The following MACROD2 variants were observed in gnomAD, a reference collection of about 807,000 sequenced individuals.
MACROD2 encodes mono-ADP ribosylhydrolase 2, also known as ADP-ribose glycohydrolase MACROD2.
Under a neutral mutation model 70.4 loss-of-function variants are expected in MACROD2, and 36 were observed. That is an observed-to-expected ratio of 0.51 (90% CI 0.39 to 0.68). The LOEUF is 0.68. MACROD2 is among the 30% of genes least tolerant of loss of function. MACROD2 has a pLI of 0.00. For synonymous variants in MACROD2, 172 were observed against 178.8 expected (o/e 0.96, Z 0.30); for missense variants, 496 against 538.4 (o/e 0.92, Z 0.78).
At chr20:14,638,722 G>A (rs920502679) in intron 4 of MACROD2, among the ~76,000 whole-genome samples, 1 of 152,120 alleles carries the variant, frequency 6.6e-6, no homozygotes, top group African/African-American at 2.4e-5. Context: ...AGGCCATGGC[G>A]GGAGGATCAC....
At chr20:15,421,020 A>C (rs1268769392) in intron 6 of MACROD2, among the ~76,000 whole-genome samples, 1 of 152,122 alleles carries the variant, frequency 6.6e-6, no homozygotes, top group Non-Finnish European at 1.5e-5. Flanking sequence ...TTTCAGTTTG[A>C]GGCCAAAGTG....
At chr20:14,044,620 C>A (rs1252636105) in intron 2 of MACROD2, among the ~76,000 whole-genome samples, 5 of 152,196 alleles carry the variant, frequency 3.3e-5, no homozygotes, top group Admixed American at 6.5e-5. Flanking sequence ...CACGTCCCCA[C>A]TAGATTAGCT....
chr20:15,005,075 C>T (rs1352420566), intron 5 of MACROD2, among the ~76,000 whole-genome samples: 1 of 152,114 alleles, frequency 6.6e-6, no homozygotes, highest in East Asian at 1.9e-4. Flanking sequence ...AATGAAGTAT[C>T]GGTTGAACTA....
intron 14 of MACROD2, 128 bp downstream of exon 14, chr20:15,986,929 T>C (rs1398760145): frequency 9.8e-7 from 1 of 1,020,646 alleles, no homozygotes; most frequent in Non-Finnish European, 1.5e-6. Flanking sequence ...AGGATAGCAA[T>C]AGTGTTCAAC....
chr20:15,791,701 G>A (rs2063626266), intron 8 of MACROD2, among the ~76,000 whole-genome samples: 1 of 151,968 alleles, frequency 6.6e-6, no homozygotes, highest in Non-Finnish European at 1.5e-5. Flanking sequence ...AAAGTAAAAT[G>A]CCTGGTATTA....
chr20:15,326,934 T>C (rs2077936439), intron 6 of MACROD2, among the ~76,000 whole-genome samples: 1 of 152,192 alleles, frequency 6.6e-6, no homozygotes, highest in East Asian at 1.9e-4. Context: ...TGACTTTGGC[T>C]ATTGTAGGGG....
At chr20:14,350,127 T>C (rs2083108667) in intron 3 of MACROD2, among the ~76,000 whole-genome samples, 1 of 152,200 alleles carries the variant, frequency 6.6e-6, no homozygotes, top group Non-Finnish European at 1.5e-5. Flanking sequence ...TCCATTTATC[T>C]GCTGATGAAC....
chr20:14,426,889 T>C (rs1310013886), intron 3 of MACROD2, among the ~76,000 whole-genome samples: 1 of 152,156 alleles, frequency 6.6e-6, no homozygotes, highest in East Asian at 1.9e-4. Context: ...TTAGCCCTTA[T>C]TTGAAAATGA....
chr20:14,424,569 A>G (rs962097025), intron 3 of MACROD2, among the ~76,000 whole-genome samples: 1 of 152,234 alleles, frequency 6.6e-6, no homozygotes, highest in African/African-American at 2.4e-5. Context: ...TTTGTTTACA[A>G]TTTAGGTTGA....
At chr20:15,659,911 A>C (rs1460843744) in intron 8 of MACROD2, among the ~76,000 whole-genome samples, 2 of 152,150 alleles carry the variant, frequency 1.3e-5, no homozygotes, top group Non-Finnish European at 2.9e-5. Flanking sequence ...TTACTGCAAC[A>C]GTTCCTGTCT....
rs111786150 is a variant in MACROD2, at chr20:14,327,391, G to T, written c.272-166088G>T. 16 of 1,613,646 alleles carry T rather than the reference G, an allele frequency of 9.9e-6. 1 individual carries two copies. The highest frequency in any genetic ancestry group is 9.3e-5 in the African/African-American group (7 of 74,992). On this transcript the variant is annotated intron_variant, in intron 3 of 17. Transcript: ENST00000684519. ...GCGATCATTACAGTAAATGAAACCC[G>T]CATCGCAGCGACACACAGATGGACA...
At chr20:14,545,439 G>A (rs917889662) in intron 4 of MACROD2, among the ~76,000 whole-genome samples, 7 of 152,122 alleles carry the variant, frequency 4.6e-5, no homozygotes, top group Non-Finnish European at 7.3e-5. Flanking sequence ...TAACCCAAAG[G>A]TCATGAGCAG....
chr20:15,620,568 G>A (rs1466817526), intron 8 of MACROD2, among the ~76,000 whole-genome samples: 3 of 152,180 alleles, frequency 2.0e-5, no homozygotes, highest in Non-Finnish European at 4.4e-5. Context: ...AATGTGCAAT[G>A]ACTGCTGCTT....
At chr20:15,067,765 A>G (rs557775793) in intron 5 of MACROD2, among the ~76,000 whole-genome samples, 1 of 152,292 alleles carries the variant, frequency 6.6e-6, no homozygotes, top group South Asian at 2.1e-4. Flanking sequence ...TTGGTGATAA[A>G]GATTGGATGG....
chr20:15,404,126 T>G lies in MACROD2; in HGVS notation c.541-27279T>G, dbSNP rs188072546. The stretch of plus-strand genomic sequence containing the variant: ...TTTATAGTGCTTGAGAGTACATAGA[T>G]GGGCTGTAGACAACTAATATGTCTG... On this transcript the variant is annotated intron_variant, in intron 6 of 17. Transcript: ENST00000684519. Among the ~76,000 whole-genome samples, 437 of 152,320 alleles carry G rather than the reference T, an allele frequency of 2.9e-3. 1 individual carries two copies. Among genetic ancestry groups the G allele is most frequent in the African/African-American group, 0.01 (416 of 41,580 alleles).
chr20:14,543,493 G>A (rs1028866058), intron 4 of MACROD2, among the ~76,000 whole-genome samples: 4 of 152,082 alleles, frequency 2.6e-5, no homozygotes, highest in Non-Finnish European at 4.4e-5. Context: ...GGATTTTAAT[G>A]TTTTAATCAT....
chr20:14,965,714 C>G (rs754742002), intron 5 of MACROD2, among the ~76,000 whole-genome samples: 1 of 151,694 alleles, frequency 6.6e-6, no homozygotes, highest in South Asian at 2.1e-4. Flanking sequence ...GTGATCCACC[C>G]GTCTCGGCCT....
chr20:14,238,756 C>T (rs895335423), intron 3 of MACROD2, among the ~76,000 whole-genome samples: 1 of 151,928 alleles, frequency 6.6e-6, no homozygotes, highest in Non-Finnish European at 1.5e-5. Flanking sequence ...TGACCAGGCC[C>T]AGTGGCTCAT....
chr20:14,280,034 A>G (rs1429062253), intron 3 of MACROD2, among the ~76,000 whole-genome samples: 1 of 152,188 alleles, frequency 6.6e-6, no homozygotes, highest in Non-Finnish European at 1.5e-5. Flanking sequence ...ATGGTAACTT[A>G]TTAACCTAGA....
Sources: allele counts gnomAD v4.1 joint callset (sites outside exome capture counted in the v4.1 genomes callset), GRCh38; gene constraint gnomAD v4.1.1; transcripts MANE v1.5; gene names NCBI Gene and HGNC (gene_info 2026-07-23, HGNC 2026-07-21).